The following ADCY9 variants were observed in gnomAD, a reference collection of about 807,000 sequenced individuals.
ADCY9 encodes adenylate cyclase 9.
Under a neutral mutation model 101.5 loss-of-function variants are expected in ADCY9, and 50 were observed. The observed-to-expected ratio is 0.49, with a 90% confidence interval of 0.39 to 0.62. ADCY9 has a LOEUF of 0.62. Ranked by LOEUF, ADCY9 falls within the 20% of genes least tolerant of loss-of-function variation. ADCY9 has a pLI of 0.00. For synonymous variants in ADCY9, 905 were observed against 769.3 expected, an observed-to-expected ratio of 1.18 and a Z score of -2.92; for missense variants, 1,662 against 1,800.4, an observed-to-expected ratio of 0.92 and a Z score of 1.39.
intron 2 of ADCY9, among the ~76,000 whole-genome samples, chr16:4,097,548 TATATA>T (rs1357920762): frequency 3.7e-5 from 2 of 53,502 alleles, no homozygotes; most frequent in Admixed American, 1.8e-4. Flanking sequence ...TATATATATA[TATATA>T]TTTTTTTTTT....
At chr16:4,102,178 C>T (rs1445138180) in intron 2 of ADCY9, among the ~76,000 whole-genome samples, 1 of 152,190 alleles carries the variant, frequency 6.6e-6, no homozygotes. Context: ...CATCGAGTCA[C>T]TATGCAAATA....
chr16:4,074,573 C>T (rs1203140582), intron 2 of ADCY9, among the ~76,000 whole-genome samples: 1 of 151,384 alleles, frequency 6.6e-6, no homozygotes, highest in African/African-American at 2.4e-5. Context: ...AACAATTAGC[C>T]GGGCATGGTG....
intron 2 of ADCY9, among the ~76,000 whole-genome samples, chr16:4,036,714 G>A (rs995123825): frequency 2.6e-5 from 4 of 151,934 alleles, no homozygotes; most frequent in African/African-American, 9.7e-5. Context: ...TGCCTGTCTT[G>A]GCCTCCCAAA....
chr16:4,008,290 A>G (rs1406459113), intron 2 of ADCY9, among the ~76,000 whole-genome samples: 1 of 152,078 alleles, frequency 6.6e-6, no homozygotes, highest in African/African-American at 2.4e-5. Flanking sequence ...CCGGACCCAC[A>G]CTGCGCTGGA....
At position 3,966,441 on chromosome 16, in the gene ADCY9, C is replaced by T. The variant is rs764077367; in HGVS notation, c.3396G>A (p.Gln1132=). The change falls in exon 11 of 11, where the codon CAG becomes CAA. Residue 1132 remains glutamine (Q), a synonymous_variant. Transcript: ENST00000294016. ...ACTCGAACAGGATCTGCAGGTGCTCCTGCGGGTGGCTGCCGTCCTGGGCCT... is the reference window on the plus strand; with the variant it reads ...ACTCGAACAGGATCTGCAGGTGCTCTTGCGGGTGGCTGCCGTCCTGGGCCT... ...TAQAQDGSHP[Q]EHLQILFEFA... is the part of the protein sequence containing the mutation. The T allele has an allele frequency of 3.1e-6, 5 of 1,614,140 alleles. No homozygotes were observed. In the South Asian group the frequency reaches 4.4e-5, roughly 14 times the overall value.
chr16:4,009,703 C>T (rs2056390746), intron 2 of ADCY9, among the ~76,000 whole-genome samples: 1 of 152,224 alleles, frequency 6.6e-6, no homozygotes, highest in Non-Finnish European at 1.5e-5. Context: ...GAATACGACG[C>T]AGGAGTGAAG....
At chr16:4,072,063 G>T (rs773955061) in intron 2 of ADCY9, among the ~76,000 whole-genome samples, 2 of 152,194 alleles carry the variant, frequency 1.3e-5, no homozygotes, top group Non-Finnish European at 2.9e-5. Context: ...CAAAGCCACT[G>T]CATTCTGAAG....
chr16:4,086,576 C>T (rs1327236752), intron 2 of ADCY9, among the ~76,000 whole-genome samples: 1 of 152,116 alleles, frequency 6.6e-6, no homozygotes, highest in African/African-American at 2.4e-5. Flanking sequence ...TAGGGGACAG[C>T]TCACTCTCAG....
Position 4,115,135 on chromosome 16 carries a change from G to C in ADCY9, c.308C>G (p.Ala103Gly), listed in dbSNP as rs1275618342. The change falls in exon 2 of 11, where the codon GCC (alanine) becomes GGC (glycine). Residue 103 changes from alanine to glycine, a missense_variant. Transcript: ENST00000294016. The surrounding 1 kb of genome is among the most constrained non-coding windows in gnomAD (Gnocchi z 6.2). ...PKFDSVNLEE[A>G]CLERCFPQTQ... is the part of the protein sequence containing the mutation. The stretch of plus-strand genomic sequence containing the variant: ...CTGCGGGAAGCAGCGCTCCAGGCAG[G>C]CCTCCTCCAGGTTCACCGAGTCGAA... 6.2e-7 allele frequency: 1 copy of C among 1,613,810 alleles called. No individual in the cohort carries two copies. The highest frequency in any genetic ancestry group is 1.3e-5 in the African/African-American group (1 of 75,070).
chr16:3,970,616 C>T (rs979929808), intron 10 of ADCY9, among the ~76,000 whole-genome samples: 13 of 152,250 alleles, frequency 8.5e-5, no homozygotes, highest in Non-Finnish European at 1.8e-4. Context: ...GCACGAGCCA[C>T]CATGCCCGGC....
chr16:4,075,698 G>A (rs2056862507), intron 2 of ADCY9, among the ~76,000 whole-genome samples: 2 of 152,104 alleles, frequency 1.3e-5, no homozygotes, highest in South Asian at 4.1e-4. Flanking sequence ...ACCCATTAAC[G>A]CAAAAGGAGG....
chr16:4,106,613 G>A (rs762945711), intron 2 of ADCY9, among the ~76,000 whole-genome samples: 1 of 152,180 alleles, frequency 6.6e-6, no homozygotes, highest in Non-Finnish European at 1.5e-5. Flanking sequence ...GAGGGGACCT[G>A]CAGAATTCTA....
intron 2 of ADCY9, among the ~76,000 whole-genome samples, chr16:4,026,837 G>A (rs566219581): frequency 1.3e-4 from 20 of 152,352 alleles, no homozygotes; most frequent in African/African-American, 4.3e-4. Flanking sequence ...CAGGGGCCTG[G>A]AGGCAGGGAA....
At chr16:3,997,268 C>T (rs1375363328) in intron 3 of ADCY9, among the ~76,000 whole-genome samples, 1 of 152,238 alleles carries the variant, frequency 6.6e-6, no homozygotes, top group African/African-American at 2.4e-5. Context: ...GAATGTGTCA[C>T]CGTGACAGTC....
intron 2 of ADCY9, among the ~76,000 whole-genome samples, chr16:4,102,354 AG>A (rs1294653437): frequency 6.6e-6 from 1 of 152,154 alleles, no homozygotes; most frequent in Non-Finnish European, 1.5e-5. Flanking sequence ...TCAAAATCCA[AG>A]CACCCAACCA....
chr16:4,059,266 A>G (rs2056759362), intron 2 of ADCY9, among the ~76,000 whole-genome samples: 1 of 151,876 alleles, frequency 6.6e-6, no homozygotes, highest in Non-Finnish European at 1.5e-5. Flanking sequence ...CTGTAATCCC[A>G]GCAACCTGGG....
downstream of ADCY9, among the ~76,000 whole-genome samples, chr16:3,961,420 C>T (rs2055937477): frequency 6.6e-6 from 1 of 151,666 alleles, no homozygotes; most frequent in Non-Finnish European, 1.5e-5. Flanking sequence ...TGCACTCCAG[C>T]CTGGGTGACA....
chr16:4,018,813 G>A (rs141106528), intron 2 of ADCY9, among the ~76,000 whole-genome samples: 1,687 of 152,234 alleles, frequency 0.011, 23 homozygotes, highest in African/African-American at 0.039. Context: ...TCATCTAACG[G>A]AGAAACCCAA....
At chr16:4,022,656 CAGTGGCT>C (rs1251303509) in intron 2 of ADCY9, among the ~76,000 whole-genome samples, 1 of 151,298 alleles carries the variant, frequency 6.6e-6, no homozygotes, top group Non-Finnish European at 1.5e-5. Context: ...AGGCCAGAGC[CAGTGGCT>C]CATGCTTGTA....
Sources: gnomAD v4.1 joint callset for allele counts (sites outside exome capture counted in the v4.1 genomes callset) on GRCh38, gnomAD v4.1.1 for gene constraint, Gnocchi (gnomAD v3.1) non-coding constraint, MANE v1.5 for transcripts, NCBI Gene and HGNC (gene_info 2026-07-23, HGNC 2026-07-21) for gene names.